The following RBFOX1 variants were observed in gnomAD, a reference collection of about 807,000 sequenced individuals.
RBFOX1 encodes the protein RNA binding fox-1 homolog 1.
In RBFOX1, 8 loss-of-function variants were observed where a neutral mutation model predicts 57.7. The observed-to-expected ratio is 0.14, with a 90% CI of 0.08 to 0.25. The LOEUF (loss-of-function observed/expected upper bound fraction) is 0.25. Among genes scored for constraint, RBFOX1 ranks in the 10% least tolerant of loss-of-function variants. RBFOX1 has a pLI of 1.00. For missense variants in RBFOX1, 611 were observed against 548.5 expected (o/e 1.11, Z -1.14); for synonymous variants, 326 against 222.4 (o/e 1.47, Z -4.15).
intron 3 of RBFOX1, among the ~76,000 whole-genome samples, chr16:6,985,228 T>C (rs2153599073): frequency 6.7e-6 from 1 of 149,532 alleles, no homozygotes; most frequent in East Asian, 2.0e-4. Flanking sequence ...TTCTCTGGCC[T>C]CTTGTCTTTT....
chr16:5,696,372 C>G (rs1219552058), intron 3 of RBFOX1, among the ~76,000 whole-genome samples: 3 of 152,178 alleles, frequency 2.0e-5, no homozygotes, highest in Non-Finnish European at 4.4e-5. Flanking sequence ...TATAATATCT[C>G]CCTGTATGAT....
In RBFOX1 at chr16:6,060,122, GTTTTTTTTTTT is replaced by G. The variant is rs199690584; in HGVS notation, c.-127+40156_-127+40166del. 3.3e-3 allele frequency among the ~76,000 whole-genome samples: 374 copies of G among 114,146 alleles called. 6 individuals carry two copies. The highest frequency in any genetic ancestry group is 0.011 in the African/African-American group (305 of 27,706). 74.9% of individuals were successfully genotyped at this position (114,146 alleles called of 152,430 possible). ...ATTTGGCCCTAAAATTAGGATTAGG[GTTTTTTTTTTT>G]TTTTTTTTTTTTTTTTTTTTTTTTT... On this transcript the variant is annotated intron_variant, in intron 1 of 15. Coordinates refer to ENST00000550418, the MANE Select transcript of RBFOX1 (RefSeq NM_018723.4).
At chr16:6,384,462 T>C (rs2092098440) in intron 2 of RBFOX1, among the ~76,000 whole-genome samples, 1 of 152,154 alleles carries the variant, frequency 6.6e-6, no homozygotes, top group Non-Finnish European at 1.5e-5. Context: ...TTTTTTTCCC[T>C]CCCAGAAGGC....
At chr16:7,637,375 A>C (rs1200753941) in intron 11 of RBFOX1, among the ~76,000 whole-genome samples, 1 of 152,212 alleles carries the variant, frequency 6.6e-6, no homozygotes, top group African/African-American at 2.4e-5. Context: ...ACTTCTATGA[A>C]ACTCAAGGGC....
intron 4 of RBFOX1, among the ~76,000 whole-genome samples, chr16:7,080,042 G>GTATATATATATACATATTATT (rs1555455707): frequency 7.0e-6 from 1 of 142,082 alleles, no homozygotes; most frequent in African/African-American, 2.7e-5. Context: ...GTATATAGAT[G>GTATATATATATACATATTATT]TATATATATA....
At chr16:7,276,209 G>T (rs948026646) in intron 4 of RBFOX1, among the ~76,000 whole-genome samples, 1 of 152,204 alleles carries the variant, frequency 6.6e-6, no homozygotes, top group Non-Finnish European at 1.5e-5. Flanking sequence ...GAGTGAAGCA[G>T]TATCCAGAGA....
chr16:7,055,331 C>T (rs1212698399), intron 4 of RBFOX1, among the ~76,000 whole-genome samples: 5 of 152,018 alleles, frequency 3.3e-5, no homozygotes, highest in African/African-American at 9.7e-5. Flanking sequence ...TATAGACAAG[C>T]TAAGAGTTAT....
At chr16:5,650,456 CAGAAAT>C (rs1425030650) in intron 3 of RBFOX1, among the ~76,000 whole-genome samples, 1 of 152,072 alleles carries the variant, frequency 6.6e-6, no homozygotes, top group Non-Finnish European at 1.5e-5. Context: ...TTTTTAGAGA[CAGAAAT>C]GGAAAATAAA....
At chr16:5,823,285 T>G (rs967850087) in intron 3 of RBFOX1, among the ~76,000 whole-genome samples, 3 of 152,122 alleles carry the variant, frequency 2.0e-5, no homozygotes, top group African/African-American at 7.2e-5. Context: ...GAAGTGAGAT[T>G]AGAGGTTGAG....
At chr16:6,999,201 T>TTTA (rs374915065) in intron 3 of RBFOX1, among the ~76,000 whole-genome samples, 27,211 of 112,568 alleles carry the variant, frequency 0.24, 3,745 homozygotes, top group South Asian at 0.37. Flanking sequence ...TTTATTTTAT[T>TTTA]TTTTATTTTT....
At chr16:6,649,370 T>C (rs1482280328) in intron 2 of RBFOX1, among the ~76,000 whole-genome samples, 1 of 152,178 alleles carries the variant, frequency 6.6e-6, no homozygotes, top group Non-Finnish European at 1.5e-5. Context: ...TTTTGCTTTT[T>C]GTTTTATTTC....
rs562412021 is a variant in RBFOX1, at chr16:7,473,677, A to G, written c.28-44470A>G. Among the ~76,000 whole-genome samples, 6 of 152,148 alleles carry G rather than the reference A, an allele frequency of 3.9e-5. No homozygotes were observed. The Middle Eastern group carries it at 0.017, about 434-fold the overall frequency. ...TATGGCTAAATTTAATGGTTAAAAA[A>G]GAAAGAGAGAGAATGTGGTGGAATC... On this transcript the variant is annotated intron_variant, in intron 4 of 15. Transcript: ENST00000550418.
chr16:7,285,446 C>T (rs2095631539), intron 4 of RBFOX1, among the ~76,000 whole-genome samples: 1 of 151,400 alleles, frequency 6.6e-6, no homozygotes, highest in African/African-American at 2.4e-5. Context: ...TAGAATTTTA[C>T]CGCACATGTA....
At chr16:7,022,821 A>G (rs1436672743) in intron 3 of RBFOX1, among the ~76,000 whole-genome samples, 1 of 152,188 alleles carries the variant, frequency 6.6e-6, no homozygotes, top group Non-Finnish European at 1.5e-5. Context: ...ACCTGATTTT[A>G]TATCCAAGGA....
chr16:5,302,265 TTTTAA>T (rs1294358412), intron 1 of RBFOX1, among the ~76,000 whole-genome samples: 2 of 152,214 alleles, frequency 1.3e-5, no homozygotes, highest in Non-Finnish European at 2.9e-5. Flanking sequence ...TTTTAGTGAC[TTTTAA>T]TTAAATACTG....
chr16:7,224,455 C>A (rs1192085565), intron 4 of RBFOX1, among the ~76,000 whole-genome samples: 1 of 152,158 alleles, frequency 6.6e-6, no homozygotes, highest in Non-Finnish European at 1.5e-5. Flanking sequence ...CAGCCCAGTG[C>A]TTCTCAGTCT....
intron 2 of RBFOX1, among the ~76,000 whole-genome samples, chr16:6,642,010 C>G (rs920385673): frequency 6.6e-6 from 1 of 152,178 alleles, no homozygotes; most frequent in Non-Finnish European, 1.5e-5. Flanking sequence ...ATCCAGGAGG[C>G]TGACCACCAA....
chr16:5,932,477 TA>T (rs1567162450), intron 4 of RBFOX1, among the ~76,000 whole-genome samples: 1 of 152,182 alleles, frequency 6.6e-6, no homozygotes, highest in African/African-American at 2.4e-5. Context: ...TGTAGGACTC[TA>T]AGCAGACAGA....
At chr16:7,050,966 C>G (rs2049866615) in intron 3 of RBFOX1, among the ~76,000 whole-genome samples, 1 of 151,984 alleles carries the variant, frequency 6.6e-6, no homozygotes, top group Non-Finnish European at 1.5e-5. Flanking sequence ...AATATTCTTC[C>G]TTTTTTGTTT....
Sources: allele counts gnomAD v4.1 joint callset (sites outside exome capture counted in the v4.1 genomes callset), GRCh38; gene constraint gnomAD v4.1.1; transcripts MANE v1.5; gene names NCBI Gene and HGNC (gene_info 2026-07-23, HGNC 2026-07-21).